DPY30: variants seen among roughly 807,000 people sequenced by gnomAD.
DPY30 encodes the protein dpy-30 histone methyltransferase complex regulatory subunit.
DPY30 carries 6 observed loss-of-function variants against 16.2 expected under a neutral mutation model. The ratio of observed to expected loss-of-function variants is 0.37; its 90% CI spans 0.20 to 0.73. DPY30 has a LOEUF of 0.73. Among genes scored for constraint, DPY30 ranks in the 30% least tolerant of loss-of-function variants. The pLI is 0.51. For synonymous variants in DPY30, 39 were observed against 38.8 expected (o/e 1.00, Z -0.02); for missense variants, 73 against 113.1 (o/e 0.65, Z 1.61).
Position 32,023,932 on chromosome 2 carries a change from TC to T in DPY30, c.*251del, listed in dbSNP as rs1675241487. The T allele has an allele frequency of 1.5e-6, 2 of 1,371,058 alleles. No individual in the cohort carries two copies. Among genetic ancestry groups the T allele is most frequent in the Admixed American group, 5.9e-5 (2 of 33,912 alleles). 84.9% of individuals were successfully genotyped at this position (1,371,058 alleles called of 1,614,324 possible). ...GTGTTTTGACAGTTTATTTTGAAGGTCATTTTAAAAACAAAGTTAAAGACAA... is the reference window on the plus strand; with the variant it reads ...GTGTTTTGACAGTTTATTTTGAAGGTATTTTAAAAACAAAGTTAAAGACAA... On this transcript the variant is annotated 3_prime_UTR_variant, in exon 5 of 5. Transcript: ENST00000342166.
intron 3 of DPY30, among the ~76,000 whole-genome samples, chr2:32,031,426 AG>A (rs1675536353): frequency 6.6e-6 from 1 of 151,864 alleles, no homozygotes; most frequent in African/African-American, 2.4e-5. Flanking sequence ...AAAAAAAAAA[AG>A]AAAAATAAAA....
chr2:32,016,017 G>C (rs1035831582), intron 5 of DPY30, among the ~76,000 whole-genome samples: 15 of 150,374 alleles, frequency 1.0e-4, no homozygotes, highest in African/African-American at 3.4e-4. Flanking sequence ...TCCTGCCTCA[G>C]CCTCCCGGGT....
intron 4 of DPY30, among the ~76,000 whole-genome samples, chr2:32,025,366 G>A (rs1267510993): frequency 6.6e-6 from 1 of 152,080 alleles, no homozygotes; most frequent in Admixed American, 6.6e-5. Flanking sequence ...AGAAAGCTGA[G>A]GCAGAAGAAT....
At chr2:32,023,647 T>A, downstream of DPY30, 2 of 1,035,118 alleles carry the variant, frequency 1.9e-6, no homozygotes, top group South Asian at 2.6e-5. Context: ...CTTTTATTAG[T>A]ACTCCAACTT....
At chr2:32,022,209 CAAA>C (rs200317417), downstream of DPY30, among the ~76,000 whole-genome samples, 9 of 64,350 alleles carry the variant, frequency 1.4e-4, no homozygotes, top group Admixed American at 1.8e-4. Flanking sequence ...GACCTTGTCT[CAAA>C]AAAAAAAAAA....
chr2:32,013,674 C>G lies in DPY30; in HGVS notation n.378-1622G>C, dbSNP rs191968779. ...TTCATAGTAGGGAGCAAGGAGGAAA[C>G]TTTTATTAACAGACAATCCTTATGA... On this transcript the variant is annotated intron_variant and non_coding_transcript_variant, in intron 5 of 5. Transcript: ENST00000414013. Among the ~76,000 whole-genome samples, 34 of 152,272 alleles carry G rather than the reference C, an allele frequency of 2.2e-4. No individual in the cohort carries two copies. The East Asian group carries it at 5.8e-3, about 26-fold the overall frequency.
At chr2:32,037,963 A>G in intron 3 of DPY30, among the ~76,000 whole-genome samples, 1 of 152,054 alleles carries the variant, frequency 6.6e-6, no homozygotes, top group Non-Finnish European at 1.5e-5. Flanking sequence ...ATTAATATTA[A>G]TATTAGCCAC....
chr2:32,019,114 G>A (rs1185116203), downstream of DPY30, among the ~76,000 whole-genome samples: 1 of 152,126 alleles, frequency 6.6e-6, no homozygotes, highest in African/African-American at 2.4e-5. Flanking sequence ...TTTATTTTGA[G>A]ACAGAGTCTC....
chr2:32,016,512 T>C (rs1323447477), intron 5 of DPY30, among the ~76,000 whole-genome samples: 1 of 152,234 alleles, frequency 6.6e-6, no homozygotes, highest in Admixed American at 6.5e-5. Flanking sequence ...AACAGGAAGT[T>C]ATCCATCTTA....
At chr2:32,028,604 C>T (rs943037265) in intron 4 of DPY30, among the ~76,000 whole-genome samples, 1 of 152,100 alleles carries the variant, frequency 6.6e-6, no homozygotes, top group Admixed American at 6.6e-5. Flanking sequence ...AGATCGAGAT[C>T]ATTCTGGCCA....
rs948577139 is a variant in DPY30, at chr2:32,029,723, T to C, written c.98A>G (p.Asn33Ser). The change falls in exon 4 of 5, where the codon AAT (asparagine) becomes AGT (serine). Residue 33 changes from asparagine to serine, a missense_variant. Physicochemically the swap from Asn to Ser is conservative, Grantham distance 46 (BLOSUM62 1). Coordinates refer to ENST00000342166, the MANE Select transcript of DPY30 (RefSeq NM_001321209.2). The stretch of plus-strand genomic sequence containing the variant: ...TGACTTTTCTGCATTAATCTTCTCA[T>C]TTTCTACTATTCTCTAGTGAATTCA... ...LTDNVERIVE[N>S]EKINAEKSSK... 6.2e-7 allele frequency: 1 copy of C among 1,614,082 alleles called. No individual in the cohort carries two copies. The highest frequency in any genetic ancestry group is 2.2e-5 in the East Asian group (1 of 44,856).
chr2:32,020,547 A>G (rs183559454), downstream of DPY30, among the ~76,000 whole-genome samples: 1 of 151,734 alleles, frequency 6.6e-6, no homozygotes, highest in Non-Finnish European at 1.5e-5. Context: ...AATTAAACCT[A>G]CCCCAAATTT....
At chr2:32,031,433 T>G (rs573470368) in intron 3 of DPY30, among the ~76,000 whole-genome samples, 93 of 124,576 alleles carry the variant, frequency 7.5e-4, no homozygotes, top group African/African-American at 2.3e-3. Context: ...AAAAGAAAAA[T>G]AAAAAATAAA....
At chr2:32,019,253 C>T (rs974745039), downstream of DPY30, among the ~76,000 whole-genome samples, 2 of 152,106 alleles carry the variant, frequency 1.3e-5, no homozygotes, top group Non-Finnish European at 2.9e-5. Context: ...CCACCGCACC[C>T]AGCTAATTGG....
At chr2:32,030,064 C>CAAAA (rs398042393) in intron 3 of DPY30, among the ~76,000 whole-genome samples, 1 of 102,692 alleles carries the variant, frequency 9.7e-6, no homozygotes, top group African/African-American at 3.5e-5. Flanking sequence ...AGTGTGTTCC[C>CAAAA]AAAAAAAAAA....
At chr2:32,031,897 A>C (rs1273049199) in intron 3 of DPY30, among the ~76,000 whole-genome samples, 2 of 151,014 alleles carry the variant, frequency 1.3e-5, no homozygotes, top group Non-Finnish European at 3.0e-5. Context: ...TGTCTCAAAA[A>C]AATAAAAAAT....
At chr2:32,020,403 T>C (rs577028876), downstream of DPY30, among the ~76,000 whole-genome samples, 3 of 152,188 alleles carry the variant, frequency 2.0e-5, no homozygotes, top group East Asian at 5.8e-4. Flanking sequence ...TCCTAGCTAC[T>C]TGGAAGGCTA....
chr2:32,026,902 C>A (rs1307362810), intron 4 of DPY30, among the ~76,000 whole-genome samples: 3 of 150,316 alleles, frequency 2.0e-5, no homozygotes, highest in Non-Finnish European at 4.4e-5. Flanking sequence ...AAAAGATATC[C>A]ATATTTTTTT....
At chr2:32,030,790 C>A (rs1675510153) in intron 3 of DPY30, among the ~76,000 whole-genome samples, 1 of 151,856 alleles carries the variant, frequency 6.6e-6, no homozygotes, top group African/African-American at 2.4e-5. Flanking sequence ...CAAAGCAAGG[C>A]CCTGTCTCTA....
Sources: allele counts gnomAD v4.1 joint callset (sites outside exome capture counted in the v4.1 genomes callset), GRCh38; gene constraint gnomAD v4.1.1; transcripts MANE v1.5; gene names NCBI Gene and HGNC (gene_info 2026-07-23, HGNC 2026-07-21).